ADARB2: variants seen among roughly 807,000 people sequenced by gnomAD.
The protein encoded by ADARB2 is inactive double-stranded RNA-specific editase B2.
ADARB2 carries 25 observed loss-of-function variants against 62.2 expected under a neutral mutation model. The ratio of observed to expected loss-of-function variants is 0.40; its 90% CI spans 0.29 to 0.56. The LOEUF (loss-of-function observed/expected upper bound fraction) is 0.56. ADARB2 is among the 20% of genes least tolerant of loss of function. The probability of loss-of-function intolerance (pLI) is 0.43; values close to 1 mark genes in which losing one functional copy is unlikely to be tolerated. For synonymous variants in ADARB2, 572 were observed against 500.8 expected, an observed-to-expected ratio of 1.14 and a Z score of -1.90; for missense variants, 1,071 against 1,077.4, an observed-to-expected ratio of 0.99 and a Z score of 0.08.
At chr10:1,634,918 T>C (rs1833894832) in intron 1 of ADARB2, among the ~76,000 whole-genome samples, 1 of 152,226 alleles carries the variant, frequency 6.6e-6, no homozygotes, top group African/African-American at 2.4e-5. Context: ...TCTATTCTCA[T>C]TCTAGTCGAT....
At chr10:1,512,790 G>A (rs1588283411) in intron 1 of ADARB2, among the ~76,000 whole-genome samples, 2 of 152,246 alleles carry the variant, frequency 1.3e-5, no homozygotes, top group Admixed American at 1.3e-4. Flanking sequence ...ACGTGTCCCA[G>A]TGAGATGCAG....
rs549698170 is a variant in ADARB2, at chr10:1,642,487, G to A, written c.100+94564C>T. ...TTATGTCAGTATTTATTACAATTAA[G>A]TATTTCCCAGTTGTTATGGCTCAAA... On this transcript the variant is annotated intron_variant, in intron 1 of 9. Transcript: ENST00000381312. Among the ~76,000 whole-genome samples the A allele has an allele frequency of 1.6e-3, 250 of 152,230 alleles. 1 individual carries two copies. The highest frequency in any genetic ancestry group is 5.8e-3 in the African/African-American group (240 of 41,522).
Position 1,547,749 on chromosome 10 carries a change from G to A in ADARB2, c.101-168589C>T, listed in dbSNP as rs1317103144. On this transcript the variant is annotated intron_variant, in intron 1 of 9. Coordinates refer to ENST00000381312, the MANE Select transcript of ADARB2 (RefSeq NM_018702.4). The stretch of plus-strand genomic sequence containing the variant: ...GAGAGGCTGTGCAAGTCTACGCACT[G>A]TGTTGGGGGGAGAGGCTGCACTGGT... 1.4e-5 allele frequency among the ~76,000 whole-genome samples: 2 copies of A among 139,634 alleles called. 1 individual carries two copies. Among genetic ancestry groups the A allele is most frequent in the Admixed American group, 1.5e-4 (2 of 13,742 alleles). 91.6% of individuals were successfully genotyped at this position (139,634 alleles called of 152,430 possible).
chr10:1,445,452 C>A, intron 1 of ADARB2, among the ~76,000 whole-genome samples: 1 of 147,328 alleles, frequency 6.8e-6, no homozygotes, highest in East Asian at 2.1e-4. Context: ...CATCCATCCA[C>A]CCACCCATCC....
chr10:1,260,832 C>T, intron 4 of ADARB2, among the ~76,000 whole-genome samples: 1 of 146,268 alleles, frequency 6.8e-6, no homozygotes, highest in East Asian at 2.0e-4. Context: ...CAAAAAAGAG[C>T]CCGCATCACC....
intron 1 of ADARB2, among the ~76,000 whole-genome samples, chr10:1,730,397 C>T (rs888140504): frequency 5.3e-5 from 8 of 152,112 alleles, no homozygotes; most frequent in African/African-American, 1.9e-4. Flanking sequence ...ACAGTGTGGC[C>T]CTCTTCCGCG....
intron 3 of ADARB2, among the ~76,000 whole-genome samples, chr10:1,281,082 T>C (rs1831366864): frequency 6.6e-6 from 1 of 152,224 alleles, no homozygotes; most frequent in African/African-American, 2.4e-5. Context: ...CTTATGCAAA[T>C]AGTGCATGAA....
Position 1,423,051 on chromosome 10 carries a change from G to T in ADARB2, c.101-43891C>A, listed in dbSNP as rs527563612. Among the ~76,000 whole-genome samples the T allele has an allele frequency of 2.0e-4, 31 of 152,304 alleles. No homozygotes were observed. The South Asian group carries it at 6.2e-3, about 31-fold the overall frequency. On this transcript the variant is annotated intron_variant, in intron 1 of 9. Coordinates refer to ENST00000381312, the MANE Select transcript of ADARB2 (RefSeq NM_018702.4). ...AGACTCAGAGAGGTATTTGCCTTGT[G>T]CATTTCTCCTGGAGCTTACATCACT...
At chr10:1,511,611 A>G (rs1478271062) in intron 1 of ADARB2, among the ~76,000 whole-genome samples, 1 of 152,220 alleles carries the variant, frequency 6.6e-6, no homozygotes. Context: ...CATTAATGCC[A>G]CTACACTGGA....
intron 1 of ADARB2, among the ~76,000 whole-genome samples, chr10:1,455,880 G>A (rs916777628): frequency 6.6e-6 from 1 of 152,026 alleles, no homozygotes; most frequent in Non-Finnish European, 1.5e-5. Flanking sequence ...TTCCATGAAC[G>A]CAAGCAAAAT....
chr10:1,372,277 A>G (rs911983889), intron 2 of ADARB2, among the ~76,000 whole-genome samples: 1 of 151,472 alleles, frequency 6.6e-6, no homozygotes. Context: ...ACATGGACAT[A>G]AAGAAGAAAA....
chr10:1,320,488 G>A (rs1831785307), intron 3 of ADARB2, among the ~76,000 whole-genome samples: 1 of 152,152 alleles, frequency 6.6e-6, no homozygotes, highest in Non-Finnish European at 1.5e-5. Context: ...CACGTCTTAG[G>A]GTATCTCCTT....
At chr10:1,693,357 T>C (rs946104591) in intron 1 of ADARB2, among the ~76,000 whole-genome samples, 1 of 152,116 alleles carries the variant, frequency 6.6e-6, no homozygotes, top group Non-Finnish European at 1.5e-5. Context: ...ATGGTCAATG[T>C]GGGTAAGAAG....
chr10:1,284,240 T>C (rs75643400), intron 3 of ADARB2, among the ~76,000 whole-genome samples: 1 of 152,140 alleles, frequency 6.6e-6, no homozygotes, highest in Admixed American at 6.5e-5. Context: ...TGAGGGACCC[T>C]GACCGGCAGG....
chr10:1,675,345 T>C lies in ADARB2; in HGVS notation c.100+61706A>G, dbSNP rs1219111274. On this transcript the variant is annotated intron_variant, in intron 1 of 9. Coordinates refer to ENST00000381312, the MANE Select transcript of ADARB2 (RefSeq NM_018702.4). The stretch of plus-strand genomic sequence containing the variant: ...CATGAATGTTCTGGAGGTTTGGGTT[T>C]GGGGGTGCATGGATGTTCTGGAGGT... The C allele has an allele frequency of 3.3e-5, 32 of 958,236 alleles. No homozygotes were observed. The African/African-American group carries it at 6.2e-4, about 19-fold the overall frequency. 59.4% of individuals were successfully genotyped at this position (958,236 alleles called of 1,614,324 possible).
intron 1 of ADARB2, among the ~76,000 whole-genome samples, chr10:1,670,732 G>A (rs2291870): frequency 0.24 from 36,271 of 152,146 alleles, 4,644 homozygotes; most frequent in Middle Eastern, 0.33. Context: ...CACGGAGGCC[G>A]GGCACACAGT....
chr10:1,440,256 A>G (rs991487669), intron 1 of ADARB2, among the ~76,000 whole-genome samples: 1 of 152,200 alleles, frequency 6.6e-6, no homozygotes, highest in East Asian at 1.9e-4. Flanking sequence ...CAAGCTGAGC[A>G]GCACCTGGGC....
chr10:1,463,161 G>A (rs1220471496), intron 1 of ADARB2, among the ~76,000 whole-genome samples: 3 of 152,170 alleles, frequency 2.0e-5, no homozygotes, highest in Admixed American at 6.5e-5. Flanking sequence ...GGGATTGGGG[G>A]CTGCAGCGGG....
chr10:1,232,692 A>G (rs905926937), intron 6 of ADARB2, among the ~76,000 whole-genome samples: 7 of 148,164 alleles, frequency 4.7e-5, no homozygotes, highest in Admixed American at 4.7e-4. Context: ...TGTGTGGTAT[A>G]TGTGGTGTGT....
Sources: gnomAD v4.1 joint callset for allele counts (sites outside exome capture counted in the v4.1 genomes callset) on GRCh38, gnomAD v4.1.1 for gene constraint, MANE v1.5 for transcripts, NCBI Gene and HGNC (gene_info 2026-07-23, HGNC 2026-07-21) for gene names.